Variants in GSG1L observed in about 807,000 individuals in gnomAD.
GSG1L encodes GSG1 like, also known as germ cell-specific gene 1-like protein.
A neutral mutation model predicts 42.1 loss-of-function variants in GSG1L; 24 were observed. That is an observed-to-expected ratio of 0.57 (90% CI 0.41 to 0.80). GSG1L has a LOEUF of 0.80. Ranked by LOEUF, GSG1L falls within the 30% of genes least tolerant of loss-of-function variation. The pLI is 0.00. For synonymous variants in GSG1L, 215 were observed against 203.5 expected (o/e 1.06, Z -0.48); for missense variants, 445 against 472.2 (o/e 0.94, Z 0.53).
At chr16:27,814,215 G>A (rs1401892015) in intron 5 of GSG1L, among the ~76,000 whole-genome samples, 1 of 152,052 alleles carries the variant, frequency 6.6e-6, no homozygotes, top group Non-Finnish European at 1.5e-5. Flanking sequence ...GGGCTCAAGC[G>A]ATCCTCCCAC....
chr16:27,816,779 T>C (rs2083098422), intron 5 of GSG1L, among the ~76,000 whole-genome samples: 1 of 152,066 alleles, frequency 6.6e-6, no homozygotes, highest in Non-Finnish European at 1.5e-5. Context: ...GGATCTGAGC[T>C]TGGGTTTATG....
At chr16:27,918,457 A>G (rs966058883) in intron 2 of GSG1L, among the ~76,000 whole-genome samples, 1 of 152,132 alleles carries the variant, frequency 6.6e-6, no homozygotes, top group African/African-American at 2.4e-5. Context: ...CAGGAGCTCA[A>G]GACTAGCCTG....
At chr16:27,955,004 G>A (rs916311964) in intron 2 of GSG1L, among the ~76,000 whole-genome samples, 9 of 152,084 alleles carry the variant, frequency 5.9e-5, no homozygotes, top group African/African-American at 2.2e-4. Context: ...AGATGATTGG[G>A]AAGTCCATTG....
chr16:27,980,901 C>CAAA (rs11390148), intron 1 of GSG1L, among the ~76,000 whole-genome samples: 1,782 of 127,000 alleles, frequency 0.014, 10 homozygotes, highest in African/African-American at 0.025. Context: ...AACCAAAAAA[C>CAAA]AAAAAAAAAA....
intron 3 of GSG1L, among the ~76,000 whole-genome samples, chr16:27,874,916 G>A (rs570914996): frequency 7.9e-5 from 12 of 152,294 alleles, no homozygotes; most frequent in African/African-American, 2.4e-4. Context: ...CTGAAGTGGG[G>A]GCAGTCTTGC....
chr16:27,822,031 A>G (rs1190756903), intron 5 of GSG1L, among the ~76,000 whole-genome samples: 1 of 147,468 alleles, frequency 6.8e-6, no homozygotes, highest in African/African-American at 2.5e-5. Flanking sequence ...CCCCCTTTTC[A>G]GGCAGGGAGT....
intron 1 of GSG1L, among the ~76,000 whole-genome samples, chr16:27,981,384 G>A (rs1290694561): frequency 6.6e-6 from 1 of 152,226 alleles, no homozygotes; most frequent in Non-Finnish European, 1.5e-5. Flanking sequence ...GCAAGGGCAA[G>A]AGTTCATACA....
chr16:27,841,936 C>T (rs2083385712), intron 4 of GSG1L, among the ~76,000 whole-genome samples: 2 of 152,200 alleles, frequency 1.3e-5, no homozygotes, highest in African/African-American at 4.8e-5. Context: ...GGAACCAGTT[C>T]CTACCAGGGC....
chr16:28,015,246 G>C (rs895833501), intron 1 of GSG1L, among the ~76,000 whole-genome samples: 1 of 152,054 alleles, frequency 6.6e-6, no homozygotes, highest in South Asian at 2.1e-4. Flanking sequence ...GCTCACGCCT[G>C]TGATCCCAGC....
Position 28,040,752 on chromosome 16 carries a change from A to AACTTGCAGGTG in GSG1L, c.349+22323_349+22324insCACCTGCAAGT, listed in dbSNP as rs2086096307. On this transcript the variant is annotated intron_variant, in intron 1 of 6. Transcript: ENST00000447459. The surrounding 1 kb of genome is among the most constrained non-coding windows in gnomAD (Gnocchi z 4.1). The stretch of plus-strand genomic sequence containing the variant: ...TGGGGGAACTTGCAGGTGGCTCTGG[A>AACTTGCAGGTG]GCCCCACATGCCCGCCCCAGGCAGG... Among the ~76,000 whole-genome samples the AACTTGCAGGTG allele has an allele frequency of 6.6e-6, 1 of 152,240 alleles. No homozygotes were observed. Among genetic ancestry groups the AACTTGCAGGTG allele is most frequent in the East Asian group, 1.9e-4 (1 of 5,164 alleles).
intron 1 of GSG1L, among the ~76,000 whole-genome samples, chr16:27,992,386 T>C (rs930333089): frequency 6.6e-6 from 1 of 151,724 alleles, no homozygotes; most frequent in African/African-American, 2.4e-5. Context: ...TCCCAGTTAC[T>C]AGGGAGGCTG....
In GSG1L at chr16:27,896,027, T is replaced by C. The variant is rs150383795; in HGVS notation, c.398-11389A>G. 3.9e-5 allele frequency among the ~76,000 whole-genome samples: 6 copies of C among 152,200 alleles called. 1 individual carries two copies. Among genetic ancestry groups the C allele is most frequent in the East Asian group, 1.9e-4 (1 of 5,186 alleles). On this transcript the variant is annotated intron_variant, in intron 2 of 6. Transcript: ENST00000447459. The stretch of plus-strand genomic sequence containing the variant: ...ATTCCCTGGGACCCTGGAGAAAATA[T>C]AGAATCTCTGGCCCCTCCCAGACCT...
chr16:27,881,368 A>C (rs1322421129), intron 3 of GSG1L, among the ~76,000 whole-genome samples: 2 of 150,540 alleles, frequency 1.3e-5, no homozygotes, highest in Non-Finnish European at 2.9e-5. Flanking sequence ...CAGCCTCCTA[A>C]GTAGCTGGGA....
chr16:27,831,061 G>T (rs2083270241), intron 4 of GSG1L, among the ~76,000 whole-genome samples: 1 of 152,232 alleles, frequency 6.6e-6, no homozygotes, highest in African/African-American at 2.4e-5. Flanking sequence ...ACAGTAATTG[G>T]TTGGGGGGTG....
intron 2 of GSG1L, among the ~76,000 whole-genome samples, chr16:27,909,008 GCCT>G (rs1233502250): frequency 6.6e-6 from 1 of 152,056 alleles, no homozygotes; most frequent in African/African-American, 2.4e-5. Context: ...AAGCCCTGGT[GCCT>G]ACACTTACCA....
At chr16:28,045,414 G>A (rs1596728297) in intron 1 of GSG1L, among the ~76,000 whole-genome samples, 2 of 152,196 alleles carry the variant, frequency 1.3e-5, no homozygotes, top group African/African-American at 4.8e-5. Flanking sequence ...GGTGGCTCAC[G>A]CCTGTAATTC....
rs1302934816 is a variant in GSG1L at position 27,790,550 on chromosome 16, C to G, written c.*820G>C. 1 of 152,252 alleles carries G rather than the reference C, an allele frequency of 6.6e-6. No homozygotes were observed. Among genetic ancestry groups the G allele is most frequent in the Non-Finnish European group, 1.5e-5 (1 of 68,056 alleles). 9.4% of individuals were successfully genotyped at this position (152,252 alleles called of 1,614,324 possible). On this transcript the variant is annotated 3_prime_UTR_variant, in exon 7 of 7. Coordinates refer to ENST00000447459, the MANE Select transcript of GSG1L (RefSeq NM_001109763.2). ...AGGTGGTGCTAGGCACAGGGTAAAGCCTCCTCAGGGTCAGGGTGGTGTGAT... is the reference window on the plus strand; with the variant it reads ...AGGTGGTGCTAGGCACAGGGTAAAGGCTCCTCAGGGTCAGGGTGGTGTGAT...
At chr16:27,793,281 T>G (rs2144387448) in intron 6 of GSG1L, among the ~76,000 whole-genome samples, 1 of 152,352 alleles carries the variant, frequency 6.6e-6, no homozygotes, top group Middle Eastern at 3.4e-3. Context: ...GTAATATTTT[T>G]GGCTTTCACT....
chr16:27,830,024 A>T (rs1031195510), intron 4 of GSG1L, among the ~76,000 whole-genome samples: 4 of 152,106 alleles, frequency 2.6e-5, no homozygotes, highest in Non-Finnish European at 5.9e-5. Context: ...GCCCAGCCCA[A>T]ACCTGGAGAA....
Sources: allele counts gnomAD v4.1 joint callset (sites outside exome capture counted in the v4.1 genomes callset), GRCh38; gene constraint gnomAD v4.1.1; non-coding constraint Gnocchi (gnomAD v3.1); transcripts MANE v1.5; gene names NCBI Gene and HGNC (gene_info 2026-07-23, HGNC 2026-07-21).